The following CFH variants were observed in gnomAD, a reference collection of about 807,000 sequenced individuals.
CFH encodes the protein H factor 1 (complement).
A neutral mutation model predicts 147.3 loss-of-function variants in CFH; 53 were observed. The ratio of observed to expected loss-of-function variants is 0.36; its 90% CI spans 0.29 to 0.45. The LOEUF (loss-of-function observed/expected upper bound fraction) is 0.45, where lower values mean the gene tolerates loss of function less well. Among genes scored for constraint, CFH ranks in the 20% least tolerant of loss-of-function variants. CFH has a pLI of 1.00. For synonymous variants in CFH, 536 were observed against 489.4 expected (o/e 1.10, Z -1.26); for missense variants, 1,380 against 1,498.0 (o/e 0.92, Z 1.30).
chr1:196,722,958 A>G (rs929877957), intron 11 of CFH, among the ~76,000 whole-genome samples: 4 of 151,450 alleles, frequency 2.6e-5, no homozygotes, highest in African/African-American at 4.8e-5. Flanking sequence ...TTTTTAGTAC[A>G]TTTTTCATTC....
intron 1 of CFH, among the ~76,000 whole-genome samples, chr1:196,669,517 G>T (rs931657825): frequency 6.6e-6 from 1 of 152,186 alleles, no homozygotes; most frequent in Non-Finnish European, 1.5e-5. Flanking sequence ...TGCACCAGCT[G>T]CAGCCATGTC....
chr1:196,677,789 C>A (rs958365407), intron 5 of CFH, 122 bp downstream of exon 5: 21 of 931,112 alleles, frequency 2.3e-5, no homozygotes, highest in Non-Finnish European at 3.4e-5. Context: ...TGAGCACTTA[C>A]TATCTGCCTG....
At chr1:196,677,241 A>T in intron 4 of CFH, 2 of 445,204 alleles carry the variant, frequency 4.5e-6, no homozygotes, top group Non-Finnish European at 4.1e-6. Flanking sequence ...ACAAGCTAGC[A>T]TTGAAAGTAG....
intron 9 of CFH, among the ~76,000 whole-genome samples, chr1:196,713,507 G>A (rs745327867): frequency 6.6e-6 from 1 of 152,088 alleles, no homozygotes; most frequent in Non-Finnish European, 1.5e-5. Context: ...AGAAATAATT[G>A]TAAGTGTCTT....
At chr1:196,668,265 T>A (rs1667163810) in intron 1 of CFH, among the ~76,000 whole-genome samples, 1 of 152,188 alleles carries the variant, frequency 6.6e-6, no homozygotes, top group African/African-American at 2.4e-5. Context: ...TTGAATTCTT[T>A]CTGCTTTTGT....
At chr1:196,699,623 G>A (rs1668392330) in intron 9 of CFH, among the ~76,000 whole-genome samples, 1 of 152,102 alleles carries the variant, frequency 6.6e-6, no homozygotes, top group South Asian at 2.1e-4. Flanking sequence ...TACAGTTCTA[G>A]AAGTTAACAT....
chr1:196,725,219 C>A lies in CFH; in HGVS notation c.1795C>A (p.Pro599Thr), dbSNP rs781365948. 9.9e-6 allele frequency: 16 copies of A among 1,613,736 alleles called. No individual in the cohort carries two copies. In the Admixed American group the frequency reaches 2.7e-4, roughly 27 times the overall value. Residue 599 changes from proline (P) to threonine (T), a missense_variant, in exon 12 of 22, where the codon CCA becomes ACA. Pro to Thr is a conservative substitution (Grantham distance 38). This residue lies in a region of CFH where 830 missense variants were observed against 821.4 expected (regional missense o/e 1.01). Coordinates refer to ENST00000367429, the MANE Select transcript of CFH (RefSeq NM_000186.4). ...AGAGGTGTTGAAATTCTCCTGCAAA[C>A]CAGGATTTACAATAGTTGGACCTAA... ...VGEVLKFSCK[P>T]GFTIVGPNSV...
At chr1:196,711,774 C>T (rs1351120617) in intron 9 of CFH, among the ~76,000 whole-genome samples, 2 of 151,968 alleles carry the variant, frequency 1.3e-5, no homozygotes, top group Non-Finnish European at 2.9e-5. Context: ...TGTGTGTGTG[C>T]TCTGGGAATC....
At chr1:196,726,108 CA>C (rs1669130452) in intron 12 of CFH, among the ~76,000 whole-genome samples, 1 of 152,094 alleles carries the variant, frequency 6.6e-6, no homozygotes, top group South Asian at 2.1e-4. Context: ...ATTGATTAGT[CA>C]AACTTTATGT....
chr1:196,737,784 A>G (rs1157354324), intron 17 of CFH, 124 bp downstream of exon 17: 1 of 665,718 alleles, frequency 1.5e-6, no homozygotes, highest in Non-Finnish European at 2.4e-6. Flanking sequence ...ATATTATACC[A>G]TTAAAATACT....
intron 9 of CFH, among the ~76,000 whole-genome samples, chr1:196,701,900 C>T (rs1350298871): frequency 6.6e-6 from 1 of 152,100 alleles, no homozygotes; most frequent in African/African-American, 2.4e-5. Context: ...CCTTAATACC[C>T]ACTGGATTTC....
At chr1:196,676,220 C>T (rs1428178512) in intron 4 of CFH, among the ~76,000 whole-genome samples, 155 bp downstream of exon 4, 1 of 151,420 alleles carries the variant, frequency 6.6e-6, no homozygotes, top group Non-Finnish European at 1.5e-5. Context: ...CTTTTTATTA[C>T]TACATTCTTG....
chr1:196,709,440 G>A (rs554262047), intron 9 of CFH, among the ~76,000 whole-genome samples: 16 of 152,158 alleles, frequency 1.1e-4, no homozygotes, highest in African/African-American at 2.9e-4. Context: ...TCTGTGCCCC[G>A]TGTCAGCAAA....
At chr1:196,692,785 T>C (rs1374776157) in intron 9 of CFH, among the ~76,000 whole-genome samples, 3 of 105,782 alleles carry the variant, frequency 2.8e-5, no homozygotes, top group African/African-American at 1.4e-4. Context: ...TTTCTTTCTT[T>C]CTTTCTTTCT....
In CFH at chr1:196,715,630, T is replaced by G; in HGVS notation, c.1557T>G (p.Thr519=). The change falls in exon 11 of 22, where the codon ACT becomes ACG. Residue 519 remains threonine, a synonymous_variant. Transcript: ENST00000367429. ...TCCCAGTATTTATGAATGCCAGAAC[T>G]AAAAATGACTTCACATGGTTTAAGC... ...CDIPVFMNAR[T]KNDFTWFKLN... 1.2e-6 allele frequency: 2 copies of G among 1,612,734 alleles called. No homozygotes were observed. The highest frequency in any genetic ancestry group is 1.7e-6 in the Non-Finnish European group (2 of 1,179,144).
intron 15 of CFH, among the ~76,000 whole-genome samples, chr1:196,732,496 T>C (rs978269263): frequency 6.6e-6 from 1 of 152,048 alleles, no homozygotes; most frequent in African/African-American, 2.4e-5. Flanking sequence ...GAGACTCATC[T>C]TGTTCTTTTG....
intron 7 of CFH, among the ~76,000 whole-genome samples, chr1:196,686,171 C>G (rs1425727864): frequency 6.6e-6 from 1 of 152,118 alleles, no homozygotes; most frequent in African/African-American, 2.4e-5. Flanking sequence ...TCACCTCCCT[C>G]AACATTGGGA....
chr1:196,710,143 C>G (rs116577524), intron 9 of CFH, among the ~76,000 whole-genome samples: 5,470 of 152,096 alleles, frequency 0.036, 338 homozygotes, highest in African/African-American at 0.13. Context: ...TGACTTCATC[C>G]CCCTTACCCT....
chr1:196,700,781 T>C, intron 9 of CFH: 2 of 983,978 alleles, frequency 2.0e-6, no homozygotes, highest in African/African-American at 1.7e-5. Flanking sequence ...AGCTGCTTAG[T>C]TATGATGAAC....
Sources: allele counts gnomAD v4.1 joint callset (sites outside exome capture counted in the v4.1 genomes callset), GRCh38; gene constraint gnomAD v4.1.1; regional missense constraint gnomAD v4.1.1; transcripts MANE v1.5; gene names NCBI Gene and HGNC (gene_info 2026-07-23, HGNC 2026-07-21).